The following SCAF11 variants were observed in gnomAD, a reference collection of about 807,000 sequenced individuals.
The protein encoded by SCAF11 is SR-related CTD associated factor 11.
In SCAF11, 47 loss-of-function variants were observed where a neutral mutation model predicts 140.5. That is an observed-to-expected ratio of 0.33 (90% CI 0.26 to 0.43). The LOEUF is 0.43. Among genes scored for constraint, SCAF11 ranks in the 20% least tolerant of loss-of-function variants. SCAF11 has a pLI of 1.00. For synonymous variants in SCAF11, 557 were observed against 579.4 expected, an observed-to-expected ratio of 0.96 and a Z score of 0.55; for missense variants, 1,645 against 1,705.1, an observed-to-expected ratio of 0.96 and a Z score of 0.62.
intron 1 of SCAF11, among the ~76,000 whole-genome samples, chr12:45,989,638 C>T (rs1029571510): frequency 6.6e-5 from 10 of 152,318 alleles, no homozygotes; most frequent in African/African-American, 2.2e-4. Context: ...ATTCCTAGGT[C>T]TCAGAAGGGG....
At position 45,972,943 on chromosome 12, in the gene SCAF11, T is replaced by TATAG. The variant is rs1565689131; in HGVS notation, c.-21-8756_-21-8755insCTAT. On this transcript the variant is annotated intron_variant, in intron 1 of 14. Transcript: ENST00000369367. ...ATAGATATATAGATATATATAGATATATATATAGATATATAGATATATATA... is the reference window on the plus strand; with the variant it reads ...ATAGATATATAGATATATATAGATATATAGATATATAGATATATAGATATATATA... Among the ~76,000 whole-genome samples, 45 of 59,200 alleles carry TATAG rather than the reference T, an allele frequency of 7.6e-4. 4 individuals are homozygous for TATAG. The South Asian group carries it at 0.01, about 14-fold the overall frequency. The allele number at this position is 59,200 out of a possible 152,430, so 38.8% of individuals were successfully genotyped here.
At position 45,969,920 on chromosome 12, in the gene SCAF11, C is replaced by T. The variant is rs140712427; in HGVS notation, c.-21-5732G>A. On this transcript the variant is annotated intron_variant, in intron 1 of 14. Coordinates refer to ENST00000369367, the MANE Select transcript of SCAF11 (RefSeq NM_004719.3). The stretch of plus-strand genomic sequence containing the variant: ...TTCAACCATTTTTTTTTTCTTAAGA[C>T]GGAGTCTCGCTCTGTCGCCCAGGCT... Among the ~76,000 whole-genome samples, 500 of 151,820 alleles carry T rather than the reference C, an allele frequency of 3.3e-3. 2 individuals are homozygous for T. Among genetic ancestry groups the T allele is most frequent in the African/African-American group, 0.012 (484 of 41,408 alleles).
At chr12:45,981,937 C>T (rs1223494703) in intron 1 of SCAF11, among the ~76,000 whole-genome samples, 2 of 152,086 alleles carry the variant, frequency 1.3e-5, no homozygotes, top group African/African-American at 4.8e-5. Context: ...TGCCTGTCTA[C>T]AAGAAACTCC....
rs114248768 is a variant in SCAF11, at chr12:45,947,809, T to G, written c.398+628A>C. ...TCCCTGCCTCAACTTCCTAAGTAGCTGGAACTGCAGCCATGTGTCACCATG... is the reference window on the plus strand; with the variant it reads ...TCCCTGCCTCAACTTCCTAAGTAGCGGGAACTGCAGCCATGTGTCACCATG... On this transcript the variant is annotated intron_variant, in intron 5 of 14. Transcript: ENST00000369367. Among the ~76,000 whole-genome samples, 915 of 152,266 alleles carry G rather than the reference T, an allele frequency of 6.0e-3. 15 individuals carry two copies. Among genetic ancestry groups the G allele is most frequent in the African/African-American group, 0.021 (853 of 41,548 alleles).
At position 45,920,338 on chromosome 12, in the gene SCAF11, A is replaced by G. The variant is rs1592157487; in HGVS notation, c.*1710T>C. 1 of 152,240 alleles carries G rather than the reference A, an allele frequency of 6.6e-6. No individual in the cohort carries two copies. Among genetic ancestry groups the G allele is most frequent in the East Asian group, 1.9e-4 (1 of 5,206 alleles). The allele number at this position is 152,240 out of a possible 1,614,324, so 9.4% of individuals were successfully genotyped here. On this transcript the variant is annotated 3_prime_UTR_variant, in exon 15 of 15. Coordinates refer to ENST00000369367, the MANE Select transcript of SCAF11 (RefSeq NM_004719.3). ...GAGAAACAGATAATCTTTACTTTAG[A>G]AAAGCACAGTTCTACAGAGTATTGC...
intron 3 of SCAF11, among the ~76,000 whole-genome samples, chr12:45,956,807 A>C (rs114822904): frequency 0.01 from 1,571 of 152,306 alleles, 28 homozygotes; most frequent in African/African-American, 0.036. Context: ...CTGACATTTA[A>C]AACTAGGCAC....
chr12:45,948,073 A>T (rs1945466953), intron 5 of SCAF11, among the ~76,000 whole-genome samples: 1 of 152,184 alleles, frequency 6.6e-6, no homozygotes, highest in South Asian at 2.1e-4. Context: ...AATTCTTTTA[A>T]TTCTTTTTAT....
Position 45,927,437 on chromosome 12 carries a change from T to C in SCAF11, c.2264A>G (p.Asn755Ser). 6.2e-7 allele frequency: 1 copy of C among 1,613,618 alleles called. No homozygotes were observed. The highest frequency in any genetic ancestry group is 8.5e-7 in the Non-Finnish European group (1 of 1,179,886). The change falls in exon 11 of 15, where the codon AAT (asparagine) becomes AGT (serine). Residue 755 changes from asparagine (N) to serine (S), a missense_variant. By Grantham distance (46) the Asn-to-Ser change is conservative (BLOSUM62 1). This residue lies in a region of SCAF11 where 1,582 missense variants were observed against 1,609.2 expected (regional missense o/e 0.98). Coordinates refer to ENST00000369367, the MANE Select transcript of SCAF11 (RefSeq NM_004719.3). Reference sequence around the variant, plus strand: ...CGCAAGATCAGAAGACGGCATATTATTTTCAGAACAGTGTGTCACAGAATT... The same window carrying C: ...CGCAAGATCAGAAGACGGCATATTACTTTCAGAACAGTGTGTCACAGAATT... ...NENSVTHCSE[N>S]NMPSSDLADE...
rs1447808095 is a variant in SCAF11 at position 45,923,168 on chromosome 12, T to G, written c.3907-14A>C. 1.3e-6 allele frequency: 2 copies of G among 1,593,882 alleles called. No homozygotes were observed. Among genetic ancestry groups the G allele is most frequent in the African/African-American group, 2.7e-5 (2 of 74,438 alleles). On this transcript the variant is annotated splice_polypyrimidine_tract_variant and intron_variant, in intron 12 of 14. Transcript: ENST00000369367. Reference sequence around the variant, plus strand: ...ACTAGGAATACCCTGTTTTAAAGAGTTATCATCAGTTAATGAATTACTTGT... The same window carrying G: ...ACTAGGAATACCCTGTTTTAAAGAGGTATCATCAGTTAATGAATTACTTGT...
intron 1 of SCAF11, among the ~76,000 whole-genome samples, chr12:45,977,029 G>A (rs531815847): frequency 4.6e-5 from 7 of 151,930 alleles, no homozygotes; most frequent in Non-Finnish European, 8.8e-5. Flanking sequence ...AAGAAACCTC[G>A]AGGCCCACAT....
At chr12:45,944,064 T>C (rs1413720849) in intron 6 of SCAF11, among the ~76,000 whole-genome samples, 1 of 152,174 alleles carries the variant, frequency 6.6e-6, no homozygotes, top group Non-Finnish European at 1.5e-5. Context: ...ATTACAGTTG[T>C]CAGTGGTCTT....
At chr12:45,943,444 C>CA in intron 6 of SCAF11, among the ~76,000 whole-genome samples, 1 of 152,288 alleles carries the variant, frequency 6.6e-6, no homozygotes, top group Non-Finnish European at 1.5e-5. Context: ...CCACGCTCAC[C>CA]TAACTTTTAT....
chr12:45,956,019 A>G (rs1461618884), intron 3 of SCAF11: 5 of 686,548 alleles, frequency 7.3e-6, no homozygotes, highest in Non-Finnish European at 1.3e-5. Flanking sequence ...GATTTCAGTA[A>G]AACACACCCT....
chr12:45,938,262 G>A (rs1245441393), intron 6 of SCAF11, among the ~76,000 whole-genome samples: 1 of 152,156 alleles, frequency 6.6e-6, no homozygotes, highest in Non-Finnish European at 1.5e-5. Flanking sequence ...GGCCGAGGTT[G>A]GCGGATCACC....
At chr12:45,988,182 C>A (rs577943759) in intron 1 of SCAF11, among the ~76,000 whole-genome samples, 13 of 152,268 alleles carry the variant, frequency 8.5e-5, no homozygotes, top group Admixed American at 2.6e-4. Context: ...AGTCAAGGTA[C>A]AATTTACATC....
chr12:45,990,294 C>T (rs1946565554), intron 1 of SCAF11, 59 bp downstream of exon 1: 1 of 1,231,228 alleles, frequency 8.1e-7, no homozygotes, highest in Non-Finnish European at 1.0e-6. Flanking sequence ...GCCGCTAACC[C>T]TCGTCTCTCC....
intron 3 of SCAF11, 69 bp downstream of exon 3, chr12:45,961,631 C>A: frequency 8.2e-7 from 1 of 1,214,696 alleles, no homozygotes; most frequent in Non-Finnish European, 1.1e-6. Flanking sequence ...TTATGAAAGG[C>A]AGTATCAACT....
intron 3 of SCAF11, among the ~76,000 whole-genome samples, chr12:45,959,024 G>C (rs1222336209): frequency 1.3e-5 from 2 of 151,874 alleles, no homozygotes; most frequent in African/African-American, 4.8e-5. Flanking sequence ...TCCTTTTTTG[G>C]TGCTTGATAT....
chr12:45,957,224 A>T (rs1945710832), intron 3 of SCAF11, among the ~76,000 whole-genome samples: 2 of 152,324 alleles, frequency 1.3e-5, no homozygotes, highest in Admixed American at 6.5e-5. Context: ...TAATTTTTTT[A>T]AAATTAGAAT....
Sources: allele counts gnomAD v4.1 joint callset (sites outside exome capture counted in the v4.1 genomes callset), GRCh38; gene constraint gnomAD v4.1.1; regional missense constraint gnomAD v4.1.1; transcripts MANE v1.5; gene names NCBI Gene and HGNC (gene_info 2026-07-23, HGNC 2026-07-21).